The following PDE1C variants were observed in gnomAD, a reference collection of about 807,000 sequenced individuals.
The protein encoded by PDE1C is dual specificity calcium/calmodulin-dependent 3',5'-cyclic nucleotide phosphodiesterase 1C.
In PDE1C, 62 loss-of-function variants were observed where a neutral mutation model predicts 93.1. The observed-to-expected ratio is 0.67, with a 90% confidence interval of 0.54 to 0.82. PDE1C has a LOEUF of 0.82. PDE1C is among the 40% of genes least tolerant of loss of function. The probability of loss-of-function intolerance (pLI) is 0.00; values close to 1 mark genes in which losing one functional copy is unlikely to be tolerated. For missense variants in PDE1C, 742 were observed against 884.6 expected, an observed-to-expected ratio of 0.84 and a Z score of 2.04; for synonymous variants, 325 against 310.1, an observed-to-expected ratio of 1.05 and a Z score of -0.50.
the PDE1C span, among the ~76,000 whole-genome samples, chr7:31,632,111 T>C: frequency 1.3e-5 from 2 of 152,170 alleles, no homozygotes; most frequent in South Asian, 4.1e-4. Context: ...TGTTTTTCAA[T>C]GCCATAGACA....
downstream of PDE1C, among the ~76,000 whole-genome samples, chr7:31,747,492 A>G (rs567347111): frequency 2.0e-5 from 3 of 152,286 alleles, no homozygotes; most frequent in East Asian, 5.8e-4. Flanking sequence ...TTTGCCCACT[A>G]TGATTGTAAT....
chr7:32,274,102 T>C (rs1378855160), intron 1 of PDE1C, among the ~76,000 whole-genome samples: 1 of 152,180 alleles, frequency 6.6e-6, no homozygotes, highest in African/African-American at 2.4e-5. Context: ...TAGAAACATC[T>C]AGTATAACCT....
intron 1 of PDE1C, among the ~76,000 whole-genome samples, chr7:32,283,364 T>G (rs1811798896): frequency 6.6e-6 from 1 of 152,210 alleles, no homozygotes; most frequent in Non-Finnish European, 1.5e-5. Flanking sequence ...AGGGAAGATA[T>G]TCACCAAAAT....
At chr7:31,803,674 T>G (rs1475208296) in intron 16 of PDE1C, among the ~76,000 whole-genome samples, 2 of 151,996 alleles carry the variant, frequency 1.3e-5, no homozygotes, top group Non-Finnish European at 2.9e-5. Context: ...TGCGACAGTT[T>G]GCTGAGAATG....
At chr7:32,189,202 G>C (rs1388829628) in intron 2 of PDE1C, among the ~76,000 whole-genome samples, 1 of 152,154 alleles carries the variant, frequency 6.6e-6, no homozygotes, top group Non-Finnish European at 1.5e-5. Context: ...GTTCAGCAGA[G>C]TAAAGATGTA....
chr7:31,828,320 C>T lies in PDE1C; in HGVS notation c.1257G>A (p.Lys419=). Reference sequence around the variant, plus strand: ...CTTGTGACTGAGCAACCATAGTGGACTTTCGGTCACACAGAGGAGAAAAAG... The same window carrying T: ...CTTGTGACTGAGCAACCATAGTGGATTTTCGGTCACACAGAGGAGAAAAAG... The part of the protein sequence containing the change: ...GLPFSPLCDR[K]STMVAQSQVG... Residue 419 remains lysine (K), a synonymous_variant, in exon 12 of 18, where the codon AAG becomes AAA. Coordinates refer to ENST00000396191, the MANE Select transcript of PDE1C (RefSeq NM_001191057.4). 1 of 1,612,650 alleles carries T rather than the reference C, an allele frequency of 6.2e-7. No homozygotes were observed. The highest frequency in any genetic ancestry group is 1.3e-5 in the African/African-American group (1 of 74,974).
chr7:31,818,355 T>C (rs551213872), intron 14 of PDE1C, among the ~76,000 whole-genome samples: 1 of 152,256 alleles, frequency 6.6e-6, no homozygotes, highest in East Asian at 1.9e-4. Context: ...CCTGGAATGT[T>C]CACTCAGGCT....
At chr7:32,211,322 A>C (rs145330078) in intron 1 of PDE1C, among the ~76,000 whole-genome samples, 43 of 152,374 alleles carry the variant, frequency 2.8e-4, no homozygotes, top group African/African-American at 9.1e-4. Flanking sequence ...AACAATGGCT[A>C]TTCTTGCTGT....
chr7:31,870,935 G>A (rs1795869448), intron 6 of PDE1C, among the ~76,000 whole-genome samples: 1 of 151,054 alleles, frequency 6.6e-6, no homozygotes, highest in Non-Finnish European at 1.5e-5. Flanking sequence ...TATGGTATTA[G>A]TATAAAATAG....
chr7:32,090,273 C>T (rs147757476), intron 3 of PDE1C, among the ~76,000 whole-genome samples: 1 of 152,328 alleles, frequency 6.6e-6, no homozygotes, highest in Non-Finnish European at 1.5e-5. Context: ...TGCTGAGTGC[C>T]TAAAGGGCTC....
chr7:32,086,994 C>A (rs1393125699), intron 3 of PDE1C, among the ~76,000 whole-genome samples: 10 of 151,832 alleles, frequency 6.6e-5, no homozygotes, highest in East Asian at 3.9e-4. Flanking sequence ...AAAAGCCAAA[C>A]TTGACAAATG....
At chr7:31,791,955 C>T (rs1230437595) in intron 16 of PDE1C, among the ~76,000 whole-genome samples, 1 of 152,074 alleles carries the variant, frequency 6.6e-6, no homozygotes, top group Non-Finnish European at 1.5e-5. Context: ...GGCTGTGGAT[C>T]TCCATCCTCC....
chr7:32,125,662 G>C (rs1044044159), intron 3 of PDE1C, among the ~76,000 whole-genome samples: 2 of 151,866 alleles, frequency 1.3e-5, no homozygotes, highest in South Asian at 2.1e-4. Context: ...AGCAGGAGTT[G>C]AACAACGAGA....
chr7:31,747,395 A>T (rs1369817656), downstream of PDE1C, among the ~76,000 whole-genome samples: 2 of 152,210 alleles, frequency 1.3e-5, no homozygotes, highest in Non-Finnish European at 2.9e-5. Context: ...CATATATTAA[A>T]GTGCCAGGAA....
intron 2 of PDE1C, among the ~76,000 whole-genome samples, chr7:31,931,517 A>T (rs896835390): frequency 3.3e-5 from 5 of 152,200 alleles, no homozygotes; most frequent in Non-Finnish European, 7.3e-5. Flanking sequence ...AATACCTAGG[A>T]ATACAACTTA....
intron 2 of PDE1C, among the ~76,000 whole-genome samples, chr7:31,988,767 C>T (rs754144478): frequency 9.2e-5 from 14 of 152,024 alleles, no homozygotes; most frequent in South Asian, 2.1e-4. Flanking sequence ...GAGGGTGAGA[C>T]GGGCGGATCA....
rs73690312 is a variant in PDE1C, at chr7:31,880,961, A to G, written c.129-101T>C. 0.02 allele frequency: 14,941 copies of G among 746,822 alleles called. 798 individuals are homozygous for G. The highest frequency in any genetic ancestry group is 0.16 in the African/African-American group (8,923 of 56,062). 46.3% of individuals were successfully genotyped at this position (746,822 alleles called of 1,614,324 possible). A position where few individuals can be genotyped will look rare whatever the true frequency, so the allele number is the denominator to read the frequency against. On this transcript the variant is annotated intron_variant, in intron 2 of 17. Coordinates refer to ENST00000396191, the MANE Select transcript of PDE1C (RefSeq NM_001191057.4). ...TTACAGTCATCGAATATTCTCACTT[A>G]TTCTGATACATCTGAAAGGAAAATA...
chr7:32,181,888 T>C (rs1417109856), intron 2 of PDE1C, among the ~76,000 whole-genome samples: 1 of 151,978 alleles, frequency 6.6e-6, no homozygotes, highest in Non-Finnish European at 1.5e-5. Context: ...ATCAACAACA[T>C]TGATAGACCG....
At chr7:31,861,920 G>A (rs116315249) in intron 7 of PDE1C, among the ~76,000 whole-genome samples, 151 of 152,256 alleles carry the variant, frequency 9.9e-4, no homozygotes, top group African/African-American at 3.6e-3. Context: ...TGTAAAGCCA[G>A]ACCTGATCTA....
Sources: gnomAD v4.1 joint callset for allele counts (sites outside exome capture counted in the v4.1 genomes callset) on GRCh38, gnomAD v4.1.1 for gene constraint, MANE v1.5 for transcripts, NCBI Gene and HGNC (gene_info 2026-07-23, HGNC 2026-07-21) for gene names.